The following PRKN variants were observed in gnomAD, a reference collection of about 807,000 sequenced individuals.
PRKN encodes the protein E3 ubiquitin-protein ligase parkin.
In PRKN, 56 loss-of-function variants were observed where a neutral mutation model predicts 59.5. The ratio of observed to expected loss-of-function variants is 0.94; its 90% confidence interval spans 0.76 to 1.18. The LOEUF (loss-of-function observed/expected upper bound fraction) is 1.18, where lower values mean the gene tolerates loss of function less well. Ranked by LOEUF, PRKN falls within the 50% of genes most tolerant of loss-of-function variation. The pLI, the probability that PRKN is intolerant of heterozygous loss-of-function variation, is 0.00. For missense variants in PRKN, 657 were observed against 596.4 expected (o/e 1.10, Z -1.06); for synonymous variants, 250 against 222.1 (o/e 1.13, Z -1.12).
chr6:162,264,076 C>T (rs1780017509), intron 2 of PRKN, among the ~76,000 whole-genome samples: 1 of 151,904 alleles, frequency 6.6e-6, no homozygotes, highest in South Asian at 2.1e-4. Flanking sequence ...TAGTTTGTGA[C>T]CAGCCAGGGC....
chr6:161,678,440 ACAAATTAAGAG>A (rs1785173034), intron 7 of PRKN, among the ~76,000 whole-genome samples: 2 of 151,854 alleles, frequency 1.3e-5, no homozygotes. Context: ...AGCTCTTACC[ACAAATTAAGAG>A]CATAAAAAGT....
chr6:161,479,512 T>A (rs1353825452), intron 9 of PRKN, among the ~76,000 whole-genome samples: 1 of 152,122 alleles, frequency 6.6e-6, no homozygotes, highest in Admixed American at 6.5e-5. Context: ...TGAGGAAGTG[T>A]AATGAGGGAA....
rs189759718 is a variant in PRKN at position 161,429,035 on chromosome 6, C to T, written c.1084-42158G>A. Among the ~76,000 whole-genome samples the T allele has an allele frequency of 2.6e-5, 4 of 152,270 alleles. No homozygotes were observed. Among genetic ancestry groups the T allele is most frequent in the Admixed American group, 6.5e-5 (1 of 15,294 alleles). On this transcript the variant is annotated intron_variant, in intron 9 of 11. Transcript: ENST00000366898. The surrounding 1 kb of genome is among the most constrained non-coding windows in gnomAD (Gnocchi z 4.2). Reference sequence around the variant, plus strand: ...AGTTTTGCTCATGTCCAAGAGATAACGTAAGATGTTCCTGAAGCTAAACTT... The same window carrying T: ...AGTTTTGCTCATGTCCAAGAGATAATGTAAGATGTTCCTGAAGCTAAACTT...
intron 6 of PRKN, among the ~76,000 whole-genome samples, chr6:161,827,509 CTTTTTTT>C (rs5881438): frequency 8.0e-6 from 1 of 124,920 alleles, no homozygotes; most frequent in Non-Finnish European, 1.6e-5. Context: ...ATTGATTTTA[CTTTTTTT>C]TTTTTTTTTT....
intron 1 of PRKN, among the ~76,000 whole-genome samples, chr6:162,522,739 A>G (rs1374031668): frequency 2.0e-5 from 3 of 152,022 alleles, no homozygotes; most frequent in Admixed American, 6.6e-5. Flanking sequence ...GAAGTACTAC[A>G]TCTGTTACAC....
chr6:161,580,464 A>G (rs943689216), intron 7 of PRKN, among the ~76,000 whole-genome samples: 1 of 152,062 alleles, frequency 6.6e-6, no homozygotes, highest in African/African-American at 2.4e-5. Context: ...TCATTTATAG[A>G]CAATTTTTTT....
In PRKN at chr6:161,544,957, G is replaced by T. The variant is rs1422849541; in HGVS notation, c.1083+3897C>A. 6.6e-6 allele frequency among the ~76,000 whole-genome samples: 1 copy of T among 152,148 alleles called. No homozygotes were observed. The highest frequency in any genetic ancestry group is 1.5e-5 in the Non-Finnish European group (1 of 68,024). On this transcript the variant is annotated intron_variant, in intron 9 of 11. Transcript: ENST00000366898. The surrounding 1 kb of genome is among the most constrained non-coding windows in gnomAD (Gnocchi z 5.5). The stretch of plus-strand genomic sequence containing the variant: ...CTAAAGACACAGAAGCCTTCAAATG[G>T]AAAGGATATACAACAGAAACCACAG...
rs6907055 is a variant in PRKN, at chr6:162,542,493, T to C, written c.8-99020A>G. Among the ~76,000 whole-genome samples, 498 of 152,184 alleles carry C rather than the reference T, an allele frequency of 3.3e-3. 3 individuals are homozygous for C. The highest frequency in any genetic ancestry group is 0.011 in the African/African-American group (476 of 41,514). On this transcript the variant is annotated intron_variant, in intron 1 of 11. Transcript: ENST00000366898. ...ACATACTTGCCATAAATGTTTTACA[T>C]ACGGCATTTCCACAAGAGAGCTTAA...
intron 6 of PRKN, among the ~76,000 whole-genome samples, chr6:161,971,787 T>C (rs760086809): frequency 7.2e-5 from 11 of 152,192 alleles, no homozygotes; most frequent in Admixed American, 2.0e-4. Flanking sequence ...AATAGCCTGA[T>C]AGGAGTGTGA....
chr6:161,877,914 T>C (rs1344042737), intron 6 of PRKN, among the ~76,000 whole-genome samples: 2 of 151,942 alleles, frequency 1.3e-5, no homozygotes, highest in Non-Finnish European at 2.9e-5. Flanking sequence ...CACACTCCCA[T>C]ATATGCAGTA....
intron 1 of PRKN, chr6:162,569,736 C>T (rs1429942287): frequency 2.4e-5 from 13 of 536,650 alleles, no homozygotes; most frequent in South Asian, 3.6e-5. Context: ...TGAACAGCTG[C>T]GACAGCCCCT....
chr6:162,023,683 G>A (rs1783303078), intron 5 of PRKN, among the ~76,000 whole-genome samples: 1 of 152,052 alleles, frequency 6.6e-6, no homozygotes, highest in Non-Finnish European at 1.5e-5. Flanking sequence ...CCAGGATGGG[G>A]GTGTGGCGGA....
intron 5 of PRKN, among the ~76,000 whole-genome samples, chr6:162,013,272 A>T (rs1045694648): frequency 6.6e-6 from 1 of 152,096 alleles, no homozygotes; most frequent in Non-Finnish European, 1.5e-5. Flanking sequence ...TTGATACTCA[A>T]TTCCCCTAGA....
intron 6 of PRKN, among the ~76,000 whole-genome samples, chr6:161,900,707 CATATA>C (rs954911806): frequency 2.7e-5 from 2 of 73,676 alleles, no homozygotes; most frequent in South Asian, 5.8e-4. Context: ...AGTAATATAT[CATATA>C]ATATATAATA....
At position 161,488,327 on chromosome 6, in the gene PRKN, G is replaced by A. The variant is rs1390603987; in HGVS notation, c.1083+60527C>T. ...AAAGTGATCGGGCCGAGGACAGAAG[G>A]CCAGGTCACATAGGTCTTTGTAGTG... On this transcript the variant is annotated intron_variant, in intron 9 of 11. Coordinates refer to ENST00000366898, the MANE Select transcript of PRKN (RefSeq NM_004562.3). The surrounding 1 kb of genome is among the most constrained non-coding windows in gnomAD (Gnocchi z 4.5). 6.6e-6 allele frequency among the ~76,000 whole-genome samples: 1 copy of A among 152,172 alleles called. No individual in the cohort carries two copies. Among genetic ancestry groups the A allele is most frequent in the Non-Finnish European group, 1.5e-5 (1 of 68,036 alleles).
chr6:162,568,986 C>T, intron 1 of PRKN: 1 of 683,274 alleles, frequency 1.5e-6, no homozygotes, highest in East Asian at 2.6e-5. Flanking sequence ...TTTCCTCAGG[C>T]AGCTGTATGA....
At chr6:162,546,165 G>A (rs372626811) in intron 1 of PRKN, among the ~76,000 whole-genome samples, 122 of 148,068 alleles carry the variant, frequency 8.2e-4, no homozygotes, top group African/African-American at 2.9e-3. Flanking sequence ...GTGCAGTGGC[G>A]TGATCTCAGC....
Position 162,442,955 on chromosome 6 carries a change from C to G in PRKN, c.171+355G>C, listed in dbSNP as rs541145410. On this transcript the variant is annotated intron_variant, in intron 2 of 11. Transcript: ENST00000366898. ...GCAGCCTGATTGGGAACAATTTATT[C>G]GAATCCTTCTTCGTTAAGATTCAAA... 1.5e-3 allele frequency among the ~76,000 whole-genome samples: 222 copies of G among 152,198 alleles called. 1 individual carries two copies. Among genetic ancestry groups the G allele is most frequent in the Middle Eastern group, 3.4e-3 (1 of 292 alleles).
At chr6:161,638,266 G>A (rs972637412) in intron 7 of PRKN, among the ~76,000 whole-genome samples, 35 of 152,026 alleles carry the variant, frequency 2.3e-4, no homozygotes, top group Non-Finnish European at 8.8e-5. Flanking sequence ...CTGAGTAGCT[G>A]GGACTACAGG....
Sources: allele counts gnomAD v4.1 joint callset (sites outside exome capture counted in the v4.1 genomes callset), GRCh38; gene constraint gnomAD v4.1.1; non-coding constraint Gnocchi (gnomAD v3.1); transcripts MANE v1.5; gene names NCBI Gene and HGNC (gene_info 2026-07-23, HGNC 2026-07-21).